The following PDZRN4 variants were observed in gnomAD, a reference collection of about 807,000 sequenced individuals.
The protein encoded by PDZRN4 is PDZ domain-containing RING finger protein 4.
Under a neutral mutation model 99.0 loss-of-function variants are expected in PDZRN4, and 70 were observed. The ratio of observed to expected loss-of-function variants is 0.71; its 90% CI spans 0.58 to 0.86. The LOEUF is 0.86. Among genes scored for constraint, PDZRN4 ranks in the 40% least tolerant of loss-of-function variants. The pLI, the probability that PDZRN4 is intolerant of heterozygous loss-of-function variation, is 0.00. For missense variants in PDZRN4, 1,474 were observed against 1,331.2 expected (o/e 1.11, Z -1.67); for synonymous variants, 551 against 501.6 (o/e 1.10, Z -1.32).
At chr12:41,418,056 A>G (rs1213936291) in intron 3 of PDZRN4, among the ~76,000 whole-genome samples, 1 of 152,216 alleles carries the variant, frequency 6.6e-6, no homozygotes, top group Non-Finnish European at 1.5e-5. Flanking sequence ...AAAATACTGA[A>G]CATTAAATGC....
intron 3 of PDZRN4, among the ~76,000 whole-genome samples, chr12:41,400,516 GT>G (rs536046892): frequency 2.0e-5 from 3 of 151,816 alleles, no homozygotes; most frequent in Admixed American, 6.6e-5. Flanking sequence ...ATGGGTTTGG[GT>G]TTTTTTTCTT....
chr12:41,281,804 T>C (rs991565606), intron 3 of PDZRN4, among the ~76,000 whole-genome samples: 1 of 151,930 alleles, frequency 6.6e-6, no homozygotes, highest in African/African-American at 2.4e-5. Context: ...TCAGGATGCT[T>C]TCCTTGCCTG....
At chr12:41,543,156 C>A (rs1389903657) in intron 5 of PDZRN4, among the ~76,000 whole-genome samples, 1 of 152,200 alleles carries the variant, frequency 6.6e-6, no homozygotes, top group Non-Finnish European at 1.5e-5. Flanking sequence ...AGCATCCCCT[C>A]TTGTGGCTCA....
At chr12:41,320,062 C>T (rs1323688280) in intron 3 of PDZRN4, among the ~76,000 whole-genome samples, 3 of 152,244 alleles carry the variant, frequency 2.0e-5, no homozygotes, top group East Asian at 1.9e-4. Context: ...CCTCCCTGCT[C>T]AGCCTGTCTT....
intron 5 of PDZRN4, among the ~76,000 whole-genome samples, chr12:41,539,303 C>T (rs1279219168): frequency 6.6e-6 from 1 of 152,038 alleles, no homozygotes; most frequent in East Asian, 1.9e-4. Context: ...GGGAATAAAA[C>T]ACTAAAGTTT....
intron 3 of PDZRN4, among the ~76,000 whole-genome samples, chr12:41,273,262 G>A (rs1208808471): frequency 1.3e-5 from 2 of 151,980 alleles, no homozygotes; most frequent in South Asian, 2.1e-4. Context: ...GACATAGAAG[G>A]AAAGCAAGTT....
chr12:41,269,975 AC>A (rs1267421970), intron 3 of PDZRN4, among the ~76,000 whole-genome samples: 1 of 151,948 alleles, frequency 6.6e-6, no homozygotes, highest in Non-Finnish European at 1.5e-5. Context: ...CTCTCCCCCT[AC>A]CTCTCTCTTT....
rs1232667917 is a variant in PDZRN4, at chr12:41,188,351, TGCC to T, written c.-96_-94del. The T allele has an allele frequency of 3.5e-6, 4 of 1,146,236 alleles. No individual in the cohort carries two copies. Among genetic ancestry groups the T allele is most frequent in the African/African-American group, 1.6e-5 (1 of 62,204 alleles). The allele number at this position is 1,146,236 out of a possible 1,614,324, so 71.0% of individuals were successfully genotyped here. ...CCTCCCACCCGCCACCTCCCTCCAC[TGCC>T]GCCGCCGCGAGACGGCTGCCCCGGG... On this transcript the variant is annotated 5_prime_UTR_variant, in exon 1 of 10. Transcript: ENST00000402685.
chr12:41,433,029 C>A, intron 3 of PDZRN4, among the ~76,000 whole-genome samples: 1 of 152,166 alleles, frequency 6.6e-6, no homozygotes, highest in Non-Finnish European at 1.5e-5. Flanking sequence ...TGTTCAGGTA[C>A]AGCTCCTAAT....
intron 5 of PDZRN4, among the ~76,000 whole-genome samples, chr12:41,528,406 T>C (rs191364008): frequency 6.6e-6 from 1 of 152,368 alleles, no homozygotes; most frequent in Admixed American, 6.5e-5. Context: ...ATTTTCTCTT[T>C]ACAAATGAGA....
intron 3 of PDZRN4, among the ~76,000 whole-genome samples, chr12:41,241,257 G>A (rs1951100148): frequency 6.6e-6 from 1 of 152,058 alleles, no homozygotes; most frequent in Admixed American, 6.6e-5. Context: ...TCAAATTCTG[G>A]ATTTTTGGAT....
At chr12:41,249,140 G>A (rs1051056225) in intron 3 of PDZRN4, among the ~76,000 whole-genome samples, 1 of 152,092 alleles carries the variant, frequency 6.6e-6, no homozygotes, top group Non-Finnish European at 1.5e-5. Context: ...TACACACACA[G>A]AGATAGAGAA....
chr12:41,468,325 T>C (rs142487841), intron 3 of PDZRN4, among the ~76,000 whole-genome samples: 2 of 152,314 alleles, frequency 1.3e-5, no homozygotes, highest in Admixed American at 1.3e-4. Context: ...CCCACACACT[T>C]ACATGGTCTT....
At chr12:41,489,092 G>T (rs1222762676) in intron 3 of PDZRN4, among the ~76,000 whole-genome samples, 1 of 152,126 alleles carries the variant, frequency 6.6e-6, no homozygotes, top group Non-Finnish European at 1.5e-5. Flanking sequence ...TATTTTTTGA[G>T]ATTTTTTTAG....
chr12:41,473,118 C>T (rs1480534257), intron 3 of PDZRN4, among the ~76,000 whole-genome samples: 1 of 151,710 alleles, frequency 6.6e-6, no homozygotes, highest in Non-Finnish European at 1.5e-5. Context: ...TAAGTAAAGC[C>T]TTATGGAATA....
intron 5 of PDZRN4, among the ~76,000 whole-genome samples, chr12:41,552,129 G>T (rs897200844): frequency 1.3e-5 from 2 of 152,042 alleles, no homozygotes; most frequent in African/African-American, 2.4e-5. Flanking sequence ...GAAAACCTTG[G>T]CCTGACCTAT....
At position 41,556,539 on chromosome 12, in the gene PDZRN4, G is replaced by A. The variant is rs192088501; in HGVS notation, c.1365+779G>A. Reference sequence around the variant, plus strand: ...CGTAGAAAAGGTATAGTAAAAGCATGGTATTATAATCTTATGGGCCCATTG... The same window carrying A: ...CGTAGAAAAGGTATAGTAAAAGCATAGTATTATAATCTTATGGGCCCATTG... On this transcript the variant is annotated intron_variant, in intron 7 of 9. Transcript: ENST00000402685. Among the ~76,000 whole-genome samples the A allele has an allele frequency of 5.6e-4, 85 of 152,284 alleles. No homozygotes were observed. The East Asian group carries it at 0.012, about 22-fold the overall frequency.
intron 3 of PDZRN4, among the ~76,000 whole-genome samples, chr12:41,382,485 T>C (rs1952134904): frequency 6.6e-6 from 1 of 152,232 alleles, no homozygotes; most frequent in Admixed American, 6.5e-5. Flanking sequence ...TATCAATCTT[T>C]ATTAAAGGCA....
chr12:41,225,260 C>A (rs562871765), intron 3 of PDZRN4, among the ~76,000 whole-genome samples: 7 of 152,040 alleles, frequency 4.6e-5, no homozygotes, highest in African/African-American at 1.7e-4. Context: ...ATAAAGATAG[C>A]TGTAATTTCA....
Sources: allele counts gnomAD v4.1 joint callset (sites outside exome capture counted in the v4.1 genomes callset), GRCh38; gene constraint gnomAD v4.1.1; transcripts MANE v1.5; gene names NCBI Gene and HGNC (gene_info 2026-07-23, HGNC 2026-07-21).